Variants in GTF2F2 observed in about 807,000 individuals in gnomAD.
The protein encoded by GTF2F2 is ATP-dependent helicase GTF2F2.
Under a neutral mutation model 42.2 loss-of-function variants are expected in GTF2F2, and 23 were observed. The ratio of observed to expected loss-of-function variants is 0.55; its 90% CI spans 0.39 to 0.77. The LOEUF is 0.77. Ranked by LOEUF, GTF2F2 falls within the 30% of genes least tolerant of loss-of-function variation. The pLI is 0.00. For missense variants in GTF2F2, 261 were observed against 287.2 expected, an observed-to-expected ratio of 0.91 and a Z score of 0.66; for synonymous variants, 105 against 100.8, an observed-to-expected ratio of 1.04 and a Z score of -0.25.
At chr13:45,262,226 T>G (rs956498027) in intron 6 of GTF2F2, among the ~76,000 whole-genome samples, 3 of 151,958 alleles carry the variant, frequency 2.0e-5, no homozygotes, top group African/African-American at 7.3e-5. Flanking sequence ...TTTTAAAAAT[T>G]GACTGGGTAT....
At chr13:45,228,778 C>T (rs1355552531) in intron 5 of GTF2F2, among the ~76,000 whole-genome samples, 1 of 149,162 alleles carries the variant, frequency 6.7e-6, no homozygotes, top group Non-Finnish European at 1.5e-5. Context: ...TCAAGCAATT[C>T]TCCTGCCTCA....
chr13:45,127,938 CTTTTTT>C (rs1161627204), intron 1 of GTF2F2, among the ~76,000 whole-genome samples: 353 of 48,558 alleles, frequency 7.3e-3, no homozygotes, highest in African/African-American at 0.01. Flanking sequence ...GCACCCCGGC[CTTTTTT>C]TTTTTTTTTT....
At chr13:45,123,774 T>A (rs1328298160) in intron 1 of GTF2F2, among the ~76,000 whole-genome samples, 1 of 151,382 alleles carries the variant, frequency 6.6e-6, no homozygotes, top group Non-Finnish European at 1.5e-5. Context: ...AATGAAGTGC[T>A]ATTTCTGGAA....
At chr13:45,189,305 A>G (rs1872542216) in intron 4 of GTF2F2, among the ~76,000 whole-genome samples, 1 of 152,030 alleles carries the variant, frequency 6.6e-6, no homozygotes, top group African/African-American at 2.4e-5. Flanking sequence ...ATCTGTTATG[A>G]TGGACATTTG....
chr13:45,194,235 T>G lies in GTF2F2; in HGVS notation c.305-13189T>G, dbSNP rs141370175. The G allele has an allele frequency of 1.1e-4, 170 of 1,614,134 alleles. 1 individual carries two copies. The East Asian group carries it at 3.7e-3, about 35-fold the overall frequency. ...TGAGCTGAAAGAATTCTGCTTCTTG[T>G]GCAAGAAGTTGATTTTCTCGAAACC... On this transcript the variant is annotated intron_variant, in intron 4 of 7. Coordinates refer to ENST00000340473, the MANE Select transcript of GTF2F2 (RefSeq NM_004128.3).
rs142642583 is a variant in GTF2F2, at chr13:45,164,856, A to G, written c.304+13025A>G. On this transcript the variant is annotated intron_variant, in intron 4 of 7. Coordinates refer to ENST00000340473, the MANE Select transcript of GTF2F2 (RefSeq NM_004128.3). ...AATGGGAAGGGTTACCAAAAAATGG[A>G]TTAGAGACCTACACTTGAACTGTGT... is the stretch of plus-strand genomic sequence containing the variant. Among the ~76,000 whole-genome samples the G allele has an allele frequency of 2.9e-4, 43 of 146,006 alleles. No individual in the cohort carries two copies. In the East Asian group the frequency reaches 6.0e-3, roughly 20 times the overall value.
chr13:45,280,682 A>C (rs947247506), intron 7 of GTF2F2, among the ~76,000 whole-genome samples: 7 of 152,362 alleles, frequency 4.6e-5, no homozygotes, highest in Middle Eastern at 3.4e-3. Context: ...TAGATTGCCA[A>C]AATGAGGGTG....
chr13:45,246,923 A>C (rs1288411456), intron 5 of GTF2F2, among the ~76,000 whole-genome samples: 5 of 152,036 alleles, frequency 3.3e-5, no homozygotes, highest in African/African-American at 1.2e-4. Context: ...CTGTAGTCCC[A>C]GCTACTTGGG....
At chr13:45,174,558 T>C (rs949464374) in intron 4 of GTF2F2, among the ~76,000 whole-genome samples, 5 of 152,082 alleles carry the variant, frequency 3.3e-5, no homozygotes, top group East Asian at 1.9e-4. Flanking sequence ...TGCCTGTTTT[T>C]TAGTGTTATA....
chr13:45,212,154 G>C lies in GTF2F2; in HGVS notation c.386+4649G>C, dbSNP rs1332202817. Among the ~76,000 whole-genome samples the C allele has an allele frequency of 3.3e-5, 5 of 152,176 alleles. No homozygotes were observed. The South Asian group carries it at 1.0e-3, about 32-fold the overall frequency. On this transcript the variant is annotated intron_variant, in intron 5 of 7. Transcript: ENST00000340473. ...ATTAAAGTAGAAGTGTTTGAGAACA[G>C]AATTGGTAAGTCTGAGATATTCTAT...
intron 1 of GTF2F2, among the ~76,000 whole-genome samples, chr13:45,131,732 T>C (rs1303232567): frequency 6.6e-6 from 1 of 151,798 alleles, no homozygotes; most frequent in South Asian, 2.1e-4. Context: ...GTGGTGAGAC[T>C]TCATCTCCAC....
At chr13:45,212,493 T>TTCTTTCTTTCTTTCTTTC (rs1593494502) in intron 5 of GTF2F2, among the ~76,000 whole-genome samples, 5 of 117,388 alleles carry the variant, frequency 4.3e-5, no homozygotes, top group African/African-American at 1.2e-4. Flanking sequence ...CTTTCTTTCT[T>TTCTTTCTTTCTTTCTTTC]TCTTTCTTTC....
intron 4 of GTF2F2, among the ~76,000 whole-genome samples, chr13:45,155,049 G>A (rs1870682956): frequency 6.6e-6 from 1 of 152,164 alleles, no homozygotes. Flanking sequence ...AGTAGCAGGG[G>A]CTCTGTGACT....
At chr13:45,191,097 C>T (rs1332671401) in intron 4 of GTF2F2, among the ~76,000 whole-genome samples, 3 of 150,240 alleles carry the variant, frequency 2.0e-5, no homozygotes, top group East Asian at 1.9e-4. Context: ...GCCGGCCGGG[C>T]GCAGTGGCTC....
chr13:45,205,129 C>T (rs1343527264), intron 4 of GTF2F2, among the ~76,000 whole-genome samples: 1 of 152,174 alleles, frequency 6.6e-6, no homozygotes, highest in African/African-American at 2.4e-5. Flanking sequence ...AGTCCATTTT[C>T]ACACTGCTAT....
At chr13:45,236,043 T>C (rs954366211) in intron 5 of GTF2F2, among the ~76,000 whole-genome samples, 2 of 152,230 alleles carry the variant, frequency 1.3e-5, no homozygotes, top group African/African-American at 4.8e-5. Flanking sequence ...GATGCCACTA[T>C]CTAGATGCAT....
chr13:45,208,449 T>C (rs1873505794), intron 5 of GTF2F2, among the ~76,000 whole-genome samples: 1 of 152,232 alleles, frequency 6.6e-6, no homozygotes, highest in South Asian at 2.1e-4. Flanking sequence ...TTATACTTTT[T>C]TTGTTCATTC....
In GTF2F2 at chr13:45,284,595, T is replaced by C. The variant is rs1291217018; in HGVS notation, c.*1034T>C. ...CTAAGCACAGGGAAAAGTTGTTTTTTCACTCGTTCATTTTGTCATCTGCTT... is the reference window on the plus strand; with the variant it reads ...CTAAGCACAGGGAAAAGTTGTTTTTCCACTCGTTCATTTTGTCATCTGCTT... On this transcript the variant is annotated 3_prime_UTR_variant, in exon 8 of 8. Transcript: ENST00000340473. 1 of 152,194 alleles carries C rather than the reference T, an allele frequency of 6.6e-6. No homozygotes were observed. The highest frequency in any genetic ancestry group is 2.4e-5 in the African/African-American group (1 of 41,462). The allele number at this position is 152,194 out of a possible 1,614,324, so 9.4% of individuals were successfully genotyped here. A position where few individuals can be genotyped will look rare whatever the true frequency, so the allele number is the denominator to read the frequency against.
intron 2 of GTF2F2, among the ~76,000 whole-genome samples, chr13:45,139,234 G>A (rs1353365844): frequency 1.3e-5 from 2 of 152,190 alleles, no homozygotes; most frequent in Non-Finnish European, 2.9e-5. Context: ...TGGGTTGGGT[G>A]ATGTGAATTG....
Sources: gnomAD v4.1 joint callset for allele counts (sites outside exome capture counted in the v4.1 genomes callset) on GRCh38, gnomAD v4.1.1 for gene constraint, MANE v1.5 for transcripts, NCBI Gene and HGNC (gene_info 2026-07-23, HGNC 2026-07-21) for gene names.